CRTAC1: variants seen among roughly 807,000 people sequenced by gnomAD.
The protein encoded by CRTAC1 is cartilage acidic protein 1.
CRTAC1 carries 37 observed loss-of-function variants against 67.8 expected under a neutral mutation model. The ratio of observed to expected loss-of-function variants is 0.55; its 90% CI spans 0.42 to 0.72. The LOEUF (loss-of-function observed/expected upper bound fraction) is 0.72. Ranked by LOEUF, CRTAC1 falls within the 30% of genes least tolerant of loss-of-function variation. CRTAC1 has a pLI of 0.00. For synonymous variants in CRTAC1, 348 were observed against 371.0 expected (o/e 0.94, Z 0.71); for missense variants, 780 against 931.6 (o/e 0.84, Z 2.12).
chr10:97,971,189 T>C (rs1358051291), intron 2 of CRTAC1, among the ~76,000 whole-genome samples: 1 of 152,252 alleles, frequency 6.6e-6, no homozygotes, highest in African/African-American at 2.4e-5. Context: ...GTCTAACATA[T>C]TTTTCATACC....
chr10:97,888,537 A>T (rs1007661206), intron 11 of CRTAC1, among the ~76,000 whole-genome samples: 2 of 151,960 alleles, frequency 1.3e-5, no homozygotes, highest in Non-Finnish European at 2.9e-5. Context: ...CGAGGTGGGT[A>T]TTTATCCCCA....
chr10:98,018,956 G>A (rs1212692343), intron 1 of CRTAC1, among the ~76,000 whole-genome samples: 1 of 152,128 alleles, frequency 6.6e-6, no homozygotes, highest in Non-Finnish European at 1.5e-5. Flanking sequence ...GCAGACCCTC[G>A]ATAACCCTGG....
Position 97,993,559 on chromosome 10 carries a change from C to T in CRTAC1, c.224+17579G>A, listed in dbSNP as rs138262502. 3.9e-5 allele frequency among the ~76,000 whole-genome samples: 6 copies of T among 152,314 alleles called. No homozygotes were observed. In the East Asian group the frequency reaches 1.2e-3, roughly 29 times the overall value. ...CCAAAGTGCTGAGCACACAACTATG[C>T]ACACGGTAGGGTAGGCTTGTAGAAT... On this transcript the variant is annotated intron_variant, in intron 2 of 14. Coordinates refer to ENST00000370597, the MANE Select transcript of CRTAC1 (RefSeq NM_018058.7).
At chr10:97,953,327 C>A (rs969447365) in intron 2 of CRTAC1, among the ~76,000 whole-genome samples, 3 of 152,118 alleles carry the variant, frequency 2.0e-5, no homozygotes, top group Admixed American at 6.5e-5. Flanking sequence ...TGCACCATAA[C>A]ACTCTCTTTT....
chr10:98,015,186 G>A (rs566964572), intron 1 of CRTAC1, among the ~76,000 whole-genome samples: 50 of 152,264 alleles, frequency 3.3e-4, no homozygotes, highest in African/African-American at 1.1e-3. Context: ...AAAGAAATTC[G>A]GACACAGAGT....
chr10:97,976,593 T>C (rs1290632819), intron 2 of CRTAC1, among the ~76,000 whole-genome samples: 1 of 152,188 alleles, frequency 6.6e-6, no homozygotes, highest in African/African-American at 2.4e-5. Flanking sequence ...CAATTTTTAG[T>C]TTTACTAAAA....
In CRTAC1 at chr10:97,895,892, C is replaced by T; in HGVS notation, c.1310G>A (p.Gly437Asp). 6.2e-7 allele frequency: 1 copy of T among 1,612,418 alleles called. No homozygotes were observed. Among genetic ancestry groups the T allele is most frequent in the Non-Finnish European group, 8.5e-7 (1 of 1,178,652 alleles). The stretch of plus-strand genomic sequence containing the variant: ...CCTGAGGTCTTAGCGCACCTGATTG[C>T]CCCGGAAGACGGACAGCGGCTGAGC... ...SMAQPLSVFR[G>D]NQGFNNNWLR... The change falls in exon 10 of 15, where the codon GGC becomes GAC. Residue 437 changes from glycine to aspartate, a missense_variant. Transcript: ENST00000370597. The surrounding 1 kb of genome is among the most constrained non-coding windows in gnomAD (Gnocchi z 4.2).
intron 2 of CRTAC1, among the ~76,000 whole-genome samples, chr10:97,995,464 C>G (rs1842545978): frequency 6.6e-6 from 1 of 152,214 alleles, no homozygotes; most frequent in Admixed American, 6.5e-5. Flanking sequence ...CCTCCAATGT[C>G]TTCTTGGTGA....
chr10:97,964,701 G>A (rs1340806777), intron 2 of CRTAC1, among the ~76,000 whole-genome samples: 3 of 152,322 alleles, frequency 2.0e-5, no homozygotes, highest in East Asian at 1.9e-4. Flanking sequence ...TTATTAGGCC[G>A]TATAAAGGGC....
chr10:97,963,983 G>A (rs928526054), intron 2 of CRTAC1, among the ~76,000 whole-genome samples: 5 of 152,156 alleles, frequency 3.3e-5, no homozygotes, highest in African/African-American at 1.2e-4. Flanking sequence ...TTCAAAATTA[G>A]ATCTTGATAT....
chr10:97,979,851 G>C (rs1474087940), intron 2 of CRTAC1, among the ~76,000 whole-genome samples: 1 of 152,144 alleles, frequency 6.6e-6, no homozygotes, highest in Non-Finnish European at 1.5e-5. Flanking sequence ...CTGCAGTATT[G>C]TCAAACACCA....
At chr10:97,977,337 T>A (rs1227009385) in intron 2 of CRTAC1, among the ~76,000 whole-genome samples, 3 of 152,190 alleles carry the variant, frequency 2.0e-5, no homozygotes, top group African/African-American at 7.2e-5. Flanking sequence ...CCAGGAACAC[T>A]GTCTGGCACG....
At chr10:97,949,251 G>A (rs185009487) in intron 2 of CRTAC1, among the ~76,000 whole-genome samples, 1 of 152,324 alleles carries the variant, frequency 6.6e-6, no homozygotes, top group African/African-American at 2.4e-5. Flanking sequence ...ACCTCAGAGG[G>A]GGATGTCAGG....
chr10:97,901,634 G>C lies in CRTAC1; in HGVS notation c.1002C>G (p.Ile334Met). 1 of 1,614,124 alleles carries C rather than the reference G, an allele frequency of 6.2e-7. No homozygotes were observed. The highest frequency in any genetic ancestry group is 1.6e-4 in the Middle Eastern group (1 of 6,062). ...AGGGCATGGAGAACTTGGGTGAGGC[G>C]ATGTCCTGGAGGAAACAAGGCTGGG... ...STHGKVRFRD[I>M]ASPKFSMPSP... The change falls in exon 8 of 15, where the codon ATC (isoleucine) becomes ATG (methionine). Residue 334 changes from isoleucine (I) to methionine (M), a missense_variant. Transcript: ENST00000370597.
chr10:97,962,840 T>A (rs981367751), intron 2 of CRTAC1, among the ~76,000 whole-genome samples: 3 of 151,012 alleles, frequency 2.0e-5, no homozygotes, highest in Admixed American at 6.6e-5. Context: ...CCCGCGCATC[T>A]CGGTGGCATC....
At chr10:97,922,918 T>C (rs1590211389) in intron 4 of CRTAC1, among the ~76,000 whole-genome samples, 1 of 152,210 alleles carries the variant, frequency 6.6e-6, no homozygotes, top group East Asian at 1.9e-4. Context: ...ACAGGCAGGA[T>C]TTAGAGCTAG....
At chr10:97,962,195 A>T (rs2051537319) in intron 2 of CRTAC1, among the ~76,000 whole-genome samples, 2 of 151,902 alleles carry the variant, frequency 1.3e-5, no homozygotes, top group Admixed American at 6.6e-5. Flanking sequence ...CTAAGTCAAC[A>T]CTCCAGGCAG....
At position 98,030,520 on chromosome 10, in the gene CRTAC1, C is replaced by T. The variant is rs545311638; in HGVS notation, c.-48G>A. 4 of 1,228,952 alleles carry T rather than the reference C, an allele frequency of 3.3e-6. No homozygotes were observed. Among genetic ancestry groups the T allele is most frequent in the South Asian group, 4.1e-5 (1 of 24,112 alleles). The allele number at this position is 1,228,952 out of a possible 1,614,324, so 76.1% of individuals were successfully genotyped here. A position where few individuals can be genotyped will look rare whatever the true frequency, so the allele number is the denominator to read the frequency against. ...CCTAGGGGCGTGGGAAGCGGGCGCT[C>T]GCTGCCGCCTCTGCCGCCGGCGCCG... On this transcript the variant is annotated 5_prime_UTR_variant, in exon 1 of 15. Coordinates refer to ENST00000370597, the MANE Select transcript of CRTAC1 (RefSeq NM_018058.7). This position sits in a 1 kb window ranked among gnomAD's most constrained non-coding sequence, Gnocchi z 4.2.
chr10:97,884,478 A>G, intron 11 of CRTAC1, 127 bp from the exon 12 acceptor site: 1 of 891,418 alleles, frequency 1.1e-6, no homozygotes, highest in Non-Finnish European at 1.7e-6. Flanking sequence ...AGTGCTAGGG[A>G]AATGGTGAAC....
Sources: allele counts gnomAD v4.1 joint callset (sites outside exome capture counted in the v4.1 genomes callset), GRCh38; gene constraint gnomAD v4.1.1; non-coding constraint Gnocchi (gnomAD v3.1); transcripts MANE v1.5; gene names NCBI Gene and HGNC (gene_info 2026-07-23, HGNC 2026-07-21).